The following RIPOR3 variants were observed in gnomAD, a reference collection of about 807,000 sequenced individuals.
RIPOR3 encodes family with sequence similarity 65 member C.
Under a neutral mutation model 114.3 loss-of-function variants are expected in RIPOR3, and 95 were observed. The ratio of observed to expected loss-of-function variants is 0.83; its 90% CI spans 0.70 to 0.99. RIPOR3 has a LOEUF of 0.99. RIPOR3 is among the 50% of genes least tolerant of loss of function. RIPOR3 has a pLI of 0.00. For synonymous variants in RIPOR3, 575 were observed against 543.8 expected, an observed-to-expected ratio of 1.06 and a Z score of -0.80; for missense variants, 1,252 against 1,266.9, an observed-to-expected ratio of 0.99 and a Z score of 0.18.
In RIPOR3 at chr20:50,586,244, A is replaced by G. The variant is rs981541267; in HGVS notation, c.*988T>C. On this transcript the variant is annotated 3_prime_UTR_variant, in exon 22 of 22. Transcript: ENST00000327979. The stretch of plus-strand genomic sequence containing the variant: ...AGTATCGATGAGAATGTTCAAGTTA[A>G]AGTTCTCCAATGCCATTGCTACAGC... 4 of 154,078 alleles carry G rather than the reference A, an allele frequency of 2.6e-5. No individual in the cohort carries two copies. Among genetic ancestry groups the G allele is most frequent in the Admixed American group, 2.6e-4 (4 of 15,550 alleles). 9.5% of individuals were successfully genotyped at this position (154,078 alleles called of 1,614,324 possible). A position where few individuals can be genotyped will look rare whatever the true frequency, so the allele number is the denominator to read the frequency against.
At chr20:50,638,488 T>C (rs2085068984) in intron 1 of RIPOR3, among the ~76,000 whole-genome samples, 1 of 152,162 alleles carries the variant, frequency 6.6e-6, no homozygotes, top group Non-Finnish European at 1.5e-5. Flanking sequence ...GCATTTTAAT[T>C]CAAATGGCCC....
intron 19 of RIPOR3, among the ~76,000 whole-genome samples, chr20:50,590,427 C>T (rs754637938): frequency 2.6e-5 from 4 of 152,204 alleles, no homozygotes; most frequent in Non-Finnish European, 2.9e-5. Flanking sequence ...CTCACTCAGT[C>T]GAGTGGCTGC....
At chr20:50,610,171 CT>C in intron 6 of RIPOR3, among the ~76,000 whole-genome samples, 2 of 143,926 alleles carry the variant, frequency 1.4e-5, no homozygotes, top group Non-Finnish European at 1.6e-5. Context: ...CCAACCCTGT[CT>C]CACCTGCCTC....
At chr20:50,625,912 C>T in intron 2 of RIPOR3, among the ~76,000 whole-genome samples, 1 of 152,194 alleles carries the variant, frequency 6.6e-6, no homozygotes, top group East Asian at 1.9e-4. Context: ...AGGTTACTTC[C>T]CCAAGTGAGC....
intron 1 of RIPOR3, among the ~76,000 whole-genome samples, chr20:50,679,104 C>CAAAAAAAA (rs1215128742): frequency 2.8e-5 from 1 of 35,982 alleles, no homozygotes; most frequent in African/African-American, 2.2e-4. Flanking sequence ...GATCCTGTCT[C>CAAAAAAAA]AAAAAAAAAA....
At chr20:50,595,324 G>T in intron 16 of RIPOR3, 45 bp downstream of exon 16, 3 of 1,599,026 alleles carry the variant, frequency 1.9e-6, no homozygotes, top group Non-Finnish European at 2.6e-6. Flanking sequence ...TCCCGTCCCC[G>T]TGCCGCTCAC....
chr20:50,608,846 A>G, intron 9 of RIPOR3, 66 bp downstream of exon 9: 1 of 1,609,008 alleles, frequency 6.2e-7, no homozygotes, highest in South Asian at 1.1e-5. Context: ...CCTGGTTCCC[A>G]GCAGCTCCCG....
intron 1 of RIPOR3, among the ~76,000 whole-genome samples, chr20:50,671,252 G>A (rs959943094): frequency 6.6e-6 from 1 of 152,280 alleles, no homozygotes; most frequent in Non-Finnish European, 1.5e-5. Context: ...GCCTCCCACA[G>A]TTCTGGGATT....
At chr20:50,614,492 C>T in intron 4 of RIPOR3, 1 of 167,824 alleles carries the variant, frequency 6.0e-6, no homozygotes, top group East Asian at 1.9e-4. Flanking sequence ...GGCCTCCTTG[C>T]TTTTGTCTCC....
intron 4 of RIPOR3, 63 bp downstream of exon 4, chr20:50,615,938 AG>A: frequency 6.8e-7 from 1 of 1,465,858 alleles, no homozygotes; most frequent in Non-Finnish European, 9.4e-7. Context: ...GAAGGAACGC[AG>A]GGTTCATCTT....
chr20:50,629,746 T>G (rs1568891861), intron 2 of RIPOR3, among the ~76,000 whole-genome samples: 1 of 152,048 alleles, frequency 6.6e-6, no homozygotes. Context: ...CACCCACAAT[T>G]CCCATTGTTC....
At chr20:50,590,459 G>A (rs1017894349) in intron 19 of RIPOR3, among the ~76,000 whole-genome samples, 5 of 152,238 alleles carry the variant, frequency 3.3e-5, no homozygotes, top group African/African-American at 4.8e-5. Flanking sequence ...CACGGGTGGG[G>A]CGATGGAGGG....
In RIPOR3 at chr20:50,691,187, T is replaced by G; in HGVS notation, c.-59A>C. The G allele has an allele frequency of 2.3e-6, 3 of 1,289,302 alleles. No individual in the cohort carries two copies. The highest frequency in any genetic ancestry group is 3.0e-6 in the Non-Finnish European group (3 of 988,806). The allele number at this position is 1,289,302 out of a possible 1,614,324, so 79.9% of individuals were successfully genotyped here. ...CGCCCTCCTTGCAGCTGCCTCACTTTCCCTATTGCCGCCAGCAAGCGTCTG... is the reference window on the plus strand; with the variant it reads ...CGCCCTCCTTGCAGCTGCCTCACTTGCCCTATTGCCGCCAGCAAGCGTCTG... On this transcript the variant is annotated 5_prime_UTR_variant, in exon 1 of 22. Coordinates refer to ENST00000327979, the MANE Select transcript of RIPOR3 (RefSeq NM_001290268.2).
chr20:50,659,179 C>T (rs749607738), intron 1 of RIPOR3, among the ~76,000 whole-genome samples: 10 of 152,150 alleles, frequency 6.6e-5, no homozygotes, highest in Non-Finnish European at 1.2e-4. Flanking sequence ...GCCACCCTGC[C>T]GCTGGTTAAC....
chr20:50,598,581 G>A (rs961447513), intron 13 of RIPOR3, among the ~76,000 whole-genome samples: 4 of 152,138 alleles, frequency 2.6e-5, no homozygotes, highest in African/African-American at 9.7e-5. Flanking sequence ...CAAAAATATA[G>A]GCATACATGT....
chr20:50,602,703 C>G lies in RIPOR3; in HGVS notation c.1087-59G>C. On this transcript the variant is annotated intron_variant, in intron 12 of 21. Coordinates refer to ENST00000327979, the MANE Select transcript of RIPOR3 (RefSeq NM_001290268.2). The surrounding 1 kb of genome is among the most constrained non-coding windows in gnomAD (Gnocchi z 4.3). ...CACCCCAGGGACCACAGCAAGTCCC[C>G]CAGAGGGGCTTCCCCTGACAGACAC... The G allele has an allele frequency of 7.6e-7, 1 of 1,312,794 alleles. No homozygotes were observed. The highest frequency in any genetic ancestry group is 1.0e-6 in the Non-Finnish European group (1 of 1,001,224). The allele number at this position is 1,312,794 out of a possible 1,614,324, so 81.3% of individuals were successfully genotyped here.
intron 3 of RIPOR3, among the ~76,000 whole-genome samples, chr20:50,618,092 C>T (rs1009562938): frequency 4.0e-5 from 6 of 151,590 alleles, no homozygotes; most frequent in Admixed American, 6.6e-5. Flanking sequence ...GGTGAAACCA[C>T]GTTCTATTAA....
intron 1 of RIPOR3, among the ~76,000 whole-genome samples, chr20:50,661,098 C>T (rs1005786097): frequency 2.0e-5 from 3 of 151,900 alleles, no homozygotes; most frequent in African/African-American, 7.3e-5. Flanking sequence ...ATTAGCTGGG[C>T]GTGGTGGCAC....
chr20:50,595,445 T>C lies in RIPOR3; in HGVS notation c.1974A>G (p.Ala658=). 2 of 1,614,176 alleles carry C rather than the reference T, an allele frequency of 1.2e-6. No homozygotes were observed. The stretch of plus-strand genomic sequence containing the variant: ...GTGTCTCCAGAACGTGCTTTTGCTG[T>C]GCCACTTCTTCCAGGAGGCATTCCT... ...LVQECLLEEV[A]QQKHVLETLS... is the part of the protein sequence containing the mutation. The change falls in exon 16 of 22, where the codon GCA becomes GCG. Residue 658 remains alanine (A), a synonymous_variant. Transcript: ENST00000327979.
Sources: gnomAD v4.1 joint callset for allele counts (sites outside exome capture counted in the v4.1 genomes callset) on GRCh38, gnomAD v4.1.1 for gene constraint, Gnocchi (gnomAD v3.1) non-coding constraint, MANE v1.5 for transcripts, NCBI Gene and HGNC (gene_info 2026-07-23, HGNC 2026-07-21) for gene names.